Variants in GPR63 observed in about 807,000 individuals in gnomAD.
GPR63 encodes G protein-coupled receptor 63, also known as probable G protein-coupled receptor 63.
GPR63 carries 12 observed loss-of-function variants against 23.1 expected under a neutral mutation model. That is an observed-to-expected ratio of 0.52 (90% CI 0.33 to 0.84). The LOEUF (loss-of-function observed/expected upper bound fraction) is 0.84, where lower values mean the gene tolerates loss of function less well. GPR63 is among the 40% of genes least tolerant of loss of function. The pLI is 0.02. For synonymous variants in GPR63, 172 were observed against 191.1 expected (o/e 0.90, Z 0.82); for missense variants, 472 against 515.6 (o/e 0.92, Z 0.82).
intron 1 of GPR63, among the ~76,000 whole-genome samples, chr6:96,807,333 T>C (rs962745033): frequency 2.0e-5 from 3 of 152,234 alleles, no homozygotes; most frequent in African/African-American, 7.2e-5. Context: ...AATCTGGCTA[T>C]AGCCACTGGA....
chr6:96,804,852 G>A (rs1216905265), intron 1 of GPR63, among the ~76,000 whole-genome samples: 1 of 152,078 alleles, frequency 6.6e-6, no homozygotes, highest in Admixed American at 6.6e-5. Flanking sequence ...TTACAGTAGT[G>A]TATTAATGTA....
intron 1 of GPR63, among the ~76,000 whole-genome samples, chr6:96,802,552 T>A (rs972465260): frequency 2.0e-5 from 3 of 150,592 alleles, no homozygotes; most frequent in Admixed American, 2.0e-4. Flanking sequence ...TTTTTTTTTT[T>A]TTTTTGAGAC....
intron 1 of GPR63, among the ~76,000 whole-genome samples, chr6:96,813,749 T>A (rs1223281886): frequency 1.3e-5 from 2 of 152,176 alleles, no homozygotes; most frequent in Non-Finnish European, 2.9e-5. Context: ...TACATAGTCT[T>A]TAGTCTCCCC....
At chr6:96,803,830 T>C (rs1024863809) in intron 1 of GPR63, among the ~76,000 whole-genome samples, 3 of 152,202 alleles carry the variant, frequency 2.0e-5, no homozygotes, top group Non-Finnish European at 2.9e-5. Context: ...ACAGCGTAGG[T>C]TGGTAACATT....
At chr6:96,825,073 A>G (rs1056550636) in intron 1 of GPR63, among the ~76,000 whole-genome samples, 2 of 152,118 alleles carry the variant, frequency 1.3e-5, no homozygotes, top group Admixed American at 1.3e-4. Flanking sequence ...AAGTTTTTCC[A>G]TTTGTATTAT....
chr6:96,832,872 T>G (rs753919233), intron 1 of GPR63, among the ~76,000 whole-genome samples: 3 of 151,950 alleles, frequency 2.0e-5, no homozygotes, highest in Admixed American at 1.3e-4. Context: ...GTTCCCAATA[T>G]CACCAAACCT....
At position 96,798,303 on chromosome 6, in the gene GPR63, A is replaced by G; in HGVS notation, c.*169T>C. 1.5e-6 allele frequency: 1 copy of G among 649,662 alleles called. No homozygotes were observed. Among genetic ancestry groups the G allele is most frequent in the Non-Finnish European group, 2.5e-6 (1 of 399,538 alleles). The allele number at this position is 649,662 out of a possible 1,614,324, so 40.2% of individuals were successfully genotyped here. Reference sequence around the variant, plus strand: ...AGGTAATATTTGTAATCACTTTCCTATTATTTATTCTTGGTAACAGAACTA... The same window carrying G: ...AGGTAATATTTGTAATCACTTTCCTGTTATTTATTCTTGGTAACAGAACTA... On this transcript the variant is annotated 3_prime_UTR_variant, in exon 2 of 2. Transcript: ENST00000229955.
In GPR63 at chr6:96,797,168, C is replaced by T. The variant is rs958297653; in HGVS notation, c.*1304G>A. 2.6e-5 allele frequency: 4 copies of T among 152,048 alleles called. No individual in the cohort carries two copies. The highest frequency in any genetic ancestry group is 6.6e-5 in the Admixed American group (1 of 15,266). 9.4% of individuals were successfully genotyped at this position (152,048 alleles called of 1,614,324 possible). A position where few individuals can be genotyped will look rare whatever the true frequency, so the allele number is the denominator to read the frequency against. On this transcript the variant is annotated 3_prime_UTR_variant, in exon 2 of 2. Coordinates refer to ENST00000229955, the MANE Select transcript of GPR63 (RefSeq NM_030784.4). Reference sequence around the variant, plus strand: ...ATTACCTGAGCCTGGGAGGTTGAGGCTACAATGAGCCATGATCACACCACT... The same window carrying T: ...ATTACCTGAGCCTGGGAGGTTGAGGTTACAATGAGCCATGATCACACCACT...
intron 1 of GPR63, among the ~76,000 whole-genome samples, chr6:96,812,430 A>G (rs559692974): frequency 6.6e-6 from 1 of 152,254 alleles, no homozygotes; most frequent in South Asian, 2.1e-4. Flanking sequence ...TTTCCCCATA[A>G]ATACTAAAAA....
chr6:96,829,445 C>A (rs1419673835), intron 1 of GPR63, among the ~76,000 whole-genome samples: 1 of 152,180 alleles, frequency 6.6e-6, no homozygotes, highest in African/African-American at 2.4e-5. Context: ...GGAATCCCCA[C>A]ACTTTGAGAA....
intron 1 of GPR63, among the ~76,000 whole-genome samples, chr6:96,830,417 A>G (rs935242337): frequency 6.6e-6 from 1 of 152,228 alleles, no homozygotes; most frequent in Non-Finnish European, 1.5e-5. Context: ...CACTGAAAAT[A>G]TAGTTCCTTT....
At chr6:96,805,251 T>A (rs1287452813) in intron 1 of GPR63, among the ~76,000 whole-genome samples, 1 of 152,000 alleles carries the variant, frequency 6.6e-6, no homozygotes, top group Non-Finnish European at 1.5e-5. Flanking sequence ...ACAATCATGG[T>A]GGAAGGTGAA....
At position 96,798,242 on chromosome 6, in the gene GPR63, C is replaced by T. The variant is rs1395087487; in HGVS notation, c.*230G>A. Reference sequence around the variant, plus strand: ...AAACCCCAAAACCAAAAAAAAGTCTCCTCACCCTAAATTGAGGATTTCTAT... The same window carrying T: ...AAACCCCAAAACCAAAAAAAAGTCTTCTCACCCTAAATTGAGGATTTCTAT... On this transcript the variant is annotated 3_prime_UTR_variant, in exon 2 of 2. Transcript: ENST00000229955. 2 of 458,860 alleles carry T rather than the reference C, an allele frequency of 4.4e-6. No individual in the cohort carries two copies. The highest frequency in any genetic ancestry group is 6.9e-5 in the East Asian group (2 of 28,784). 28.4% of individuals were successfully genotyped at this position (458,860 alleles called of 1,614,324 possible).
intron 1 of GPR63, among the ~76,000 whole-genome samples, chr6:96,808,360 T>C (rs1773952608): frequency 6.6e-6 from 1 of 152,206 alleles, no homozygotes; most frequent in African/African-American, 2.4e-5. Context: ...ATTTGCTCAG[T>C]GTTTCCCAAT....
At chr6:96,831,745 A>G (rs904960664) in intron 1 of GPR63, among the ~76,000 whole-genome samples, 1 of 152,026 alleles carries the variant, frequency 6.6e-6, no homozygotes, top group Non-Finnish European at 1.5e-5. Context: ...CCATCTACGA[A>G]AAATACAAAA....
intron 1 of GPR63, among the ~76,000 whole-genome samples, chr6:96,835,974 T>A (rs566185715): frequency 4.6e-5 from 7 of 152,230 alleles, no homozygotes; most frequent in African/African-American, 1.7e-4. Flanking sequence ...ATTCTGTTTT[T>A]ATTGTTCAAA....
intron 1 of GPR63, among the ~76,000 whole-genome samples, chr6:96,815,042 T>C (rs1270456280): frequency 6.6e-6 from 1 of 152,232 alleles, no homozygotes; most frequent in Non-Finnish European, 1.5e-5. Context: ...AAGAATGTTT[T>C]AGATTTTCTA....
In GPR63 at chr6:96,794,252, TC is replaced by T. The variant is rs1287255968; in HGVS notation, c.*4219del. 1 of 152,108 alleles carries T rather than the reference TC, an allele frequency of 6.6e-6. No homozygotes were observed. Among genetic ancestry groups the T allele is most frequent in the Non-Finnish European group, 1.5e-5 (1 of 67,992 alleles). The allele number at this position is 152,108 out of a possible 1,614,324, so 9.4% of individuals were successfully genotyped here. On this transcript the variant is annotated 3_prime_UTR_variant, in exon 2 of 2. Coordinates refer to ENST00000229955, the MANE Select transcript of GPR63 (RefSeq NM_030784.4). ...CCCATAATTCAAGGTTGTTTTTTTT[TC>T]CATACAGGTCAGTTACTATTGTAAA...
chr6:96,798,814 C>T lies in GPR63; in HGVS notation c.918G>A (p.Met306Ile). ...TGGTGAAGGCACGTGTTTTAAAGCC[C>T]ATGTCAATGCTCATCTGGAAAGGTC... ...LQRPFQMSID[M>I]GFKTRAFTTI... is the part of the protein sequence containing the mutation. Residue 306 changes from methionine to isoleucine, a missense_variant, in exon 2 of 2, where the codon ATG (methionine) becomes ATA (isoleucine). Transcript: ENST00000229955. 6.2e-7 allele frequency: 1 copy of T among 1,614,146 alleles called. No homozygotes were observed.
Sources: allele counts gnomAD v4.1 joint callset (sites outside exome capture counted in the v4.1 genomes callset), GRCh38; gene constraint gnomAD v4.1.1; transcripts MANE v1.5; gene names NCBI Gene and HGNC (gene_info 2026-07-23, HGNC 2026-07-21).